Variants in HLCS observed in about 807,000 individuals in gnomAD.
HLCS encodes the protein biotin--protein ligase.
HLCS carries 53 observed loss-of-function variants against 75.0 expected under a neutral mutation model. That is an observed-to-expected ratio of 0.71 (90% confidence interval 0.57 to 0.89). The LOEUF is 0.89. HLCS is among the 40% of genes least tolerant of loss of function. The pLI, the probability that HLCS is intolerant of heterozygous loss-of-function variation, is 0.00. For missense variants in HLCS, 966 were observed against 1,074.0 expected, an observed-to-expected ratio of 0.90 and a Z score of 1.41; for synonymous variants, 431 against 428.6, an observed-to-expected ratio of 1.01 and a Z score of -0.07.
rs140749165 is a variant in HLCS, at chr21:36,850,218, C to T, written c.1892+46642G>A. 1.6e-4 allele frequency among the ~76,000 whole-genome samples: 24 copies of T among 152,320 alleles called. No homozygotes were observed. The East Asian group carries it at 4.6e-3, about 29-fold the overall frequency. ...TAAAAGTGAGTCAGACTTGGATTTG[C>T]ACCTTAACATTATTGCCAACACTTT... is the stretch of plus-strand genomic sequence containing the variant. On this transcript the variant is annotated intron_variant, in intron 6 of 10. Transcript: ENST00000674895.
chr21:36,750,562 T>C lies in HLCS; in HGVS notation c.*3684A>G, dbSNP rs910852709. On this transcript the variant is annotated 3_prime_UTR_variant, in exon 11 of 11. Transcript: ENST00000674895. ...CCCTAAGCCCTAAGAGTGGGGGAGG[T>C]TTAATACGGCCAATGGATCTTGTAT... 3.3e-5 allele frequency among the ~76,000 whole-genome samples: 5 copies of C among 152,072 alleles called. No individual in the cohort carries two copies. Among genetic ancestry groups the C allele is most frequent in the Non-Finnish European group, 7.3e-5 (5 of 68,032 alleles).
chr21:36,933,359 G>GA (rs1376805533), intron 4 of HLCS, among the ~76,000 whole-genome samples: 1 of 151,908 alleles, frequency 6.6e-6, no homozygotes, highest in Non-Finnish European at 1.5e-5. Context: ...AAACCAGCCT[G>GA]ACCAACATGG....
intron 2 of HLCS, among the ~76,000 whole-genome samples, chr21:36,949,321 C>A (rs1385749128): frequency 6.6e-6 from 1 of 152,232 alleles, no homozygotes; most frequent in Non-Finnish European, 1.5e-5. Flanking sequence ...TTTCAAGATG[C>A]CTCTGTCACT....
intron 6 of HLCS, among the ~76,000 whole-genome samples, chr21:36,879,778 C>T (rs1196657102): frequency 6.6e-6 from 1 of 152,038 alleles, no homozygotes; most frequent in Non-Finnish European, 1.5e-5. Flanking sequence ...AGCATGGTGG[C>T]ACGCGCCTGT....
intron 6 of HLCS, among the ~76,000 whole-genome samples, chr21:36,828,375 G>GAATA (rs2062082639): frequency 8.4e-6 from 1 of 119,430 alleles, no homozygotes; most frequent in African/African-American, 3.8e-5. Flanking sequence ...TGGAATGAAT[G>GAATA]AATGAATGAA....
intron 6 of HLCS, among the ~76,000 whole-genome samples, chr21:36,809,341 T>C (rs1217028957): frequency 6.6e-6 from 1 of 152,228 alleles, no homozygotes; most frequent in Non-Finnish European, 1.5e-5. Context: ...TATTACTGTA[T>C]GGCTTTTCTC....
intron 8 of HLCS, among the ~76,000 whole-genome samples, chr21:36,762,085 C>T (rs2089867840): frequency 6.6e-6 from 1 of 152,228 alleles, no homozygotes; most frequent in Admixed American, 6.5e-5. Context: ...TTTATTCCAA[C>T]AGCTGCTGTG....
At chr21:36,898,555 C>G (rs183263622) in intron 5 of HLCS, among the ~76,000 whole-genome samples, 1 of 151,220 alleles carries the variant, frequency 6.6e-6, no homozygotes, top group Non-Finnish European at 1.5e-5. Context: ...GTCAATGTCA[C>G]GGTGGAGATG....
At chr21:36,882,625 T>TG (rs1372823060) in intron 6 of HLCS, among the ~76,000 whole-genome samples, 1 of 146,944 alleles carries the variant, frequency 6.8e-6, no homozygotes, top group East Asian at 2.0e-4. Flanking sequence ...TCTTTCTTTT[T>TG]TTTTTTTTTT....
At chr21:36,826,348 G>A (rs1031749600) in intron 6 of HLCS, among the ~76,000 whole-genome samples, 32 of 152,114 alleles carry the variant, frequency 2.1e-4, no homozygotes, top group Admixed American at 3.9e-4. Flanking sequence ...TGAGATACGT[G>A]GATCTCCAGA....
intron 9 of HLCS, chr21:36,757,029 A>G (rs1430435249): frequency 6.1e-6 from 5 of 819,832 alleles, no homozygotes; most frequent in Non-Finnish European, 7.4e-6. Flanking sequence ...GATTCAATTT[A>G]ATTCAATAGA....
At position 36,937,025 on chromosome 21, in the gene HLCS, C is replaced by T. The variant is rs1410993144; in HGVS notation, c.861G>A (p.Glu287=). The T allele has an allele frequency of 6.2e-7, 1 of 1,614,010 alleles. No homozygotes were observed. The highest frequency in any genetic ancestry group is 8.5e-7 in the Non-Finnish European group (1 of 1,180,022). Residue 287 remains glutamate, a synonymous_variant, in exon 4 of 11, where the codon GAG becomes GAA. Coordinates refer to ENST00000674895, the MANE Select transcript of HLCS (RefSeq NM_001352514.2). ...CGGGGGAGGTCTCATCAGCAACACT[C>T]TCCAAACTGCTGCTATAATCGTAGG... The part of the protein sequence containing the change: ...DLPYDYSSSL[E]SVADETSPER...
intron 5 of HLCS, among the ~76,000 whole-genome samples, chr21:36,928,681 G>A (rs2066507974): frequency 6.6e-6 from 1 of 152,194 alleles, no homozygotes; most frequent in Non-Finnish European, 1.5e-5. Context: ...AAGCAGCTGA[G>A]AGGAAAGTAG....
chr21:36,794,906 G>C (rs973855911), intron 6 of HLCS, among the ~76,000 whole-genome samples: 1 of 152,048 alleles, frequency 6.6e-6, no homozygotes, highest in Non-Finnish European at 1.5e-5. Flanking sequence ...CAAGGGCTGA[G>C]CAGGCTGGAG....
chr21:36,839,726 T>C (rs1245339014), intron 6 of HLCS, among the ~76,000 whole-genome samples: 2 of 152,166 alleles, frequency 1.3e-5, no homozygotes, highest in Admixed American at 6.5e-5. Flanking sequence ...TACACACATG[T>C]TTCTGAAAAT....
intron 9 of HLCS, chr21:36,759,170 G>A (rs1388345731): frequency 4.2e-6 from 2 of 471,156 alleles, no homozygotes; most frequent in Non-Finnish European, 8.8e-6. Context: ...TACTGCCACA[G>A]AGTGAGGCTG....
At chr21:36,841,476 C>T (rs2146096719) in intron 6 of HLCS, among the ~76,000 whole-genome samples, 1 of 152,286 alleles carries the variant, frequency 6.6e-6, no homozygotes, top group African/African-American at 2.4e-5. Flanking sequence ...GCCTCTGCCA[C>T]GTGATCTAGA....
At position 36,938,837 on chromosome 21, in the gene HLCS, A is replaced by C. The variant is rs756540018; in HGVS notation, c.488T>G (p.Ile163Ser). Residue 163 changes from isoleucine (I) to serine (S), a missense_variant, in exon 3 of 11, where the codon ATT (isoleucine) becomes AGT (serine). Ile to Ser is a moderately radical substitution (Grantham distance 142). Transcript: ENST00000674895. ...CATTTTCTAAAGTTACTTACACACA[A>C]TCTTTTGGGGTACCAGTCCATTATC... The part of the protein sequence containing the change: ...HMDNGLVPQK[I>S]VSVHLQDSTL... 2 of 1,614,008 alleles carry C rather than the reference A, an allele frequency of 1.2e-6. No individual in the cohort carries two copies. The highest frequency in any genetic ancestry group is 2.2e-5 in the South Asian group (2 of 91,080).
intron 6 of HLCS, among the ~76,000 whole-genome samples, chr21:36,866,180 T>C (rs1233742300): frequency 3.5e-5 from 5 of 140,892 alleles, no homozygotes; most frequent in Non-Finnish European, 7.8e-5. Context: ...CAAAGTAATA[T>C]ACATGTATGT....
Sources: gnomAD v4.1 joint callset for allele counts (sites outside exome capture counted in the v4.1 genomes callset) on GRCh38, gnomAD v4.1.1 for gene constraint, MANE v1.5 for transcripts, NCBI Gene and HGNC (gene_info 2026-07-23, HGNC 2026-07-21) for gene names.